Variants in SASH1 observed in about 807,000 individuals in gnomAD.
SASH1 encodes SAM and SH3 domain-containing protein 1.
SASH1 carries 44 observed loss-of-function variants against 125.2 expected under a neutral mutation model. The observed-to-expected ratio is 0.35, with a 90% confidence interval of 0.28 to 0.45. The LOEUF is 0.45. Ranked by LOEUF, SASH1 falls within the 20% of genes least tolerant of loss-of-function variation. The pLI is 1.00. For missense variants in SASH1, 1,426 were observed against 1,614.5 expected (o/e 0.88, Z 2.00); for synonymous variants, 639 against 649.1 (o/e 0.98, Z 0.24).
intron 7 of SASH1, among the ~76,000 whole-genome samples, chr6:148,482,038 CT>C (rs61498813): frequency 0.16 from 25,083 of 152,124 alleles, 2,435 homozygotes; most frequent in African/African-American, 0.28. Flanking sequence ...GACATTCAAT[CT>C]TTTACTAATT....
At chr6:148,336,332 C>T (rs910957882) in intron 1 of SASH1, among the ~76,000 whole-genome samples, 23 of 151,630 alleles carry the variant, frequency 1.5e-4, no homozygotes, top group African/African-American at 5.1e-4. Flanking sequence ...CCTGCCTCCA[C>T]GCCCATTAAA....
intron 2 of SASH1, among the ~76,000 whole-genome samples, chr6:148,400,930 A>G (rs1784144903): frequency 6.6e-6 from 1 of 152,026 alleles, no homozygotes; most frequent in African/African-American, 2.4e-5. Flanking sequence ...AGAAAACAAG[A>G]TGGTAAAATG....
Position 148,396,119 on chromosome 6 carries a change from T to C in SASH1, c.285+5857T>C, listed in dbSNP as rs117463194. Reference sequence around the variant, plus strand: ...AAAGGGAGCCCAGGTGGAGATGCACTGAGGTCTTTAAGGACTGGGAATGTC... The same window carrying C: ...AAAGGGAGCCCAGGTGGAGATGCACCGAGGTCTTTAAGGACTGGGAATGTC... On this transcript the variant is annotated intron_variant, in intron 2 of 19. Transcript: ENST00000367467. Among the ~76,000 whole-genome samples, 168 of 152,250 alleles carry C rather than the reference T, an allele frequency of 1.1e-3. 5 individuals carry two copies. In the East Asian group the frequency reaches 0.031, roughly 28 times the overall value.
In SASH1 at chr6:148,377,445, G is replaced by C. The variant is rs575172013; in HGVS notation, c.157-12689G>C. On this transcript the variant is annotated intron_variant, in intron 1 of 19. Coordinates refer to ENST00000367467, the MANE Select transcript of SASH1 (RefSeq NM_015278.5). The stretch of plus-strand genomic sequence containing the variant: ...CTTTAATTAAGCCCATTGAACCCAG[G>C]AACTTTCCATTTATTCCTTTTGGTG... Among the ~76,000 whole-genome samples, 42 of 152,214 alleles carry C rather than the reference G, an allele frequency of 2.8e-4. 1 individual carries two copies. In the South Asian group the frequency reaches 8.7e-3, roughly 32 times the overall value.
chr6:148,316,869 A>T (rs909072845), intron 1 of SASH1, among the ~76,000 whole-genome samples: 38 of 152,162 alleles, frequency 2.5e-4, no homozygotes, highest in African/African-American at 4.6e-4. Context: ...CTTGGGTGCA[A>T]ATGTGCATGA....
rs1185211268 is a variant in SASH1 at position 148,543,948 on chromosome 6, G to A, written c.2478G>A (p.Glu826=). Reference sequence around the variant, plus strand: ...TCTGCCGGAGCTGTGAGACCCTGGAGGGCCCCCAGACTGTGGACACTTGGC... The same window carrying A: ...TCTGCCGGAGCTGTGAGACCCTGGAAGGCCCCCAGACTGTGGACACTTGGC... ...VSICRSCETL[E]GPQTVDTWPR... Residue 826 remains glutamate (E), a synonymous_variant, in exon 18 of 20, where the codon GAG becomes GAA. Coordinates refer to ENST00000367467, the MANE Select transcript of SASH1 (RefSeq NM_015278.5). 9 of 1,614,208 alleles carry A rather than the reference G, an allele frequency of 5.6e-6. No homozygotes were observed. The highest frequency in any genetic ancestry group is 6.8e-6 in the Non-Finnish European group (8 of 1,180,044).
At chr6:148,241,789 C>T in the SASH1 span, among the ~76,000 whole-genome samples, 1 of 152,202 alleles carries the variant, frequency 6.6e-6, no homozygotes, top group Non-Finnish European at 1.5e-5. Context: ...ACGCTTCAAC[C>T]TTCTTATCTG....
At position 148,551,691 on chromosome 6, in the gene SASH1, G is replaced by A. The variant is rs1782884697; in HGVS notation, c.*3133G>A. ...TTCAGAAAAAAATATAATAGTCTGA[G>A]TCCAAGTTATCTTGATTTAAAATTG... On this transcript the variant is annotated 3_prime_UTR_variant, in exon 20 of 20. Coordinates refer to ENST00000367467, the MANE Select transcript of SASH1 (RefSeq NM_015278.5). The A allele has an allele frequency of 1.3e-5, 2 of 152,620 alleles. No individual in the cohort carries two copies. The highest frequency in any genetic ancestry group is 6.5e-5 in the Admixed American group (1 of 15,276). The allele number at this position is 152,620 out of a possible 1,614,324, so 9.5% of individuals were successfully genotyped here. A position where few individuals can be genotyped will look rare whatever the true frequency, so the allele number is the denominator to read the frequency against.
At chr6:148,511,123 C>A (rs947235515) in intron 8 of SASH1, among the ~76,000 whole-genome samples, 1 of 152,000 alleles carries the variant, frequency 6.6e-6, no homozygotes, top group Non-Finnish European at 1.5e-5. Context: ...GAAATGCAAG[C>A]CTTTTACAGC....
At chr6:148,359,428 A>T (rs899650729) in intron 1 of SASH1, among the ~76,000 whole-genome samples, 2 of 150,476 alleles carry the variant, frequency 1.3e-5, no homozygotes, top group East Asian at 3.9e-4. Flanking sequence ...TTGAGTCCCT[A>T]TGTCACATTT....
In SASH1 at chr6:148,551,092, A is replaced by G. The variant is rs575670763; in HGVS notation, c.*2534A>G. The G allele has an allele frequency of 9.2e-5, 14 of 152,668 alleles. No homozygotes were observed. Among genetic ancestry groups the G allele is most frequent in the African/African-American group, 2.9e-4 (12 of 41,532 alleles). 9.5% of individuals were successfully genotyped at this position (152,668 alleles called of 1,614,324 possible). A position where few individuals can be genotyped will look rare whatever the true frequency, so the allele number is the denominator to read the frequency against. The stretch of plus-strand genomic sequence containing the variant: ...GGGAATGTCTAGTCTGAGGGGTCTG[A>G]GGTTGTTTTTACTTTATTGTGTTGT... On this transcript the variant is annotated 3_prime_UTR_variant, in exon 20 of 20. Transcript: ENST00000367467.
In SASH1 at chr6:148,389,315, GC is replaced by G. The variant is rs368503037; in HGVS notation, c.157-818del. ...CCTAAGGCCACTTAACCAATACCAG[GC>G]GCTATGGAGCTGGGTGGAAACTCAG... On this transcript the variant is annotated intron_variant, in intron 1 of 19. Coordinates refer to ENST00000367467, the MANE Select transcript of SASH1 (RefSeq NM_015278.5). Among the ~76,000 whole-genome samples, 219 of 152,260 alleles carry G rather than the reference GC, an allele frequency of 1.4e-3. 2 individuals are homozygous for G. Among genetic ancestry groups the G allele is most frequent in the African/African-American group, 4.8e-3 (200 of 41,550 alleles).
At chr6:148,356,895 G>C (rs188288121) in intron 1 of SASH1, among the ~76,000 whole-genome samples, 74 of 152,286 alleles carry the variant, frequency 4.9e-4, no homozygotes, top group Non-Finnish European at 9.1e-4. Context: ...CAGAAGTAAG[G>C]TAGTATTACA....
chr6:148,340,188 T>G (rs1012754936), upstream of SASH1, among the ~76,000 whole-genome samples: 1 of 151,998 alleles, frequency 6.6e-6, no homozygotes, highest in Admixed American at 6.6e-5. Context: ...TCTTCTTAAA[T>G]TTAAGAAAGT....
At chr6:148,318,132 A>G (rs980894089) in intron 1 of SASH1, among the ~76,000 whole-genome samples, 12 of 152,210 alleles carry the variant, frequency 7.9e-5, no homozygotes, top group Non-Finnish European at 1.5e-4. Flanking sequence ...GGAGGCATTC[A>G]TTCATTCTTT....
At chr6:148,393,941 G>A (rs1251970284) in intron 2 of SASH1, among the ~76,000 whole-genome samples, 2 of 149,178 alleles carry the variant, frequency 1.3e-5, no homozygotes, top group Non-Finnish European at 3.0e-5. Context: ...TGCCCAGGGT[G>A]GAGTGCAATG....
At chr6:148,278,735 T>A (rs1779255981) in intron 1 of SASH1, 1 of 152,124 alleles carries the variant, frequency 6.6e-6, no homozygotes, top group Non-Finnish European at 1.5e-5. Context: ...GCATGACCCC[T>A]GTGCAAGGAT....
At chr6:148,257,927 C>T in the SASH1 span, among the ~76,000 whole-genome samples, 2 of 152,152 alleles carry the variant, frequency 1.3e-5, no homozygotes, top group Non-Finnish European at 2.9e-5. Flanking sequence ...CACACCTGGC[C>T]GTCACTTTAC....
intron 8 of SASH1, 45 bp downstream of exon 8, chr6:148,487,760 A>G (rs1342359218): frequency 1.5e-6 from 2 of 1,340,604 alleles, no homozygotes; most frequent in Non-Finnish European, 2.1e-6. Context: ...TACGCCGATA[A>G]GGGACAGTCT....
Sources: allele counts gnomAD v4.1 joint callset (sites outside exome capture counted in the v4.1 genomes callset), GRCh38; gene constraint gnomAD v4.1.1; transcripts MANE v1.5; gene names NCBI Gene and HGNC (gene_info 2026-07-23, HGNC 2026-07-21).